The following POLR3B variants were observed in gnomAD, a reference collection of about 807,000 sequenced individuals.
The protein encoded by POLR3B is DNA-directed RNA polymerase III subunit RPC2.
Under a neutral mutation model 147.4 loss-of-function variants are expected in POLR3B, and 96 were observed. That is an observed-to-expected ratio of 0.65 (90% CI 0.55 to 0.77). The LOEUF (loss-of-function observed/expected upper bound fraction) is 0.77, where lower values mean the gene tolerates loss of function less well. Among genes scored for constraint, POLR3B ranks in the 30% least tolerant of loss-of-function variants. The pLI is 0.00. For missense variants in POLR3B, 1,036 were observed against 1,413.5 expected (o/e 0.73, Z 4.28); for synonymous variants, 461 against 485.9 (o/e 0.95, Z 0.67).
intron 11 of POLR3B, among the ~76,000 whole-genome samples, chr12:106,408,906 GA>G (rs1287099505): frequency 1.3e-5 from 2 of 152,184 alleles, no homozygotes; most frequent in African/African-American, 4.8e-5. Context: ...TTAAAAAGGG[GA>G]GTGAAATGAG....
chr12:106,402,667 T>C lies in POLR3B; in HGVS notation c.847-3190T>C, dbSNP rs1277948815. Among the ~76,000 whole-genome samples the C allele has an allele frequency of 1.2e-4, 18 of 152,188 alleles. No individual in the cohort carries two copies. In the East Asian group the frequency reaches 3.5e-3, roughly 29 times the overall value. ...AGAAATAATGCCACATATCTACAACTATCTGATCTTTGACAAACCTGACAA... is the reference window on the plus strand; with the variant it reads ...AGAAATAATGCCACATATCTACAACCATCTGATCTTTGACAAACCTGACAA... On this transcript the variant is annotated intron_variant, in intron 10 of 27. Coordinates refer to ENST00000228347, the MANE Select transcript of POLR3B (RefSeq NM_018082.6).
intron 12 of POLR3B, among the ~76,000 whole-genome samples, chr12:106,411,368 C>A (rs768260373): frequency 2.6e-5 from 4 of 152,130 alleles, no homozygotes; most frequent in Non-Finnish European, 5.9e-5. Flanking sequence ...CAACTCCCGA[C>A]CTCAGGTGAT....
chr12:106,363,834 A>G, intron 1 of POLR3B, 36 bp from the exon 2 acceptor site: 1 of 1,547,018 alleles, frequency 6.5e-7, no homozygotes, highest in African/African-American at 1.4e-5. Flanking sequence ...TGTTGCTGGT[A>G]CAGAGTTCTG....
chr12:106,439,811 A>G (rs1363438410), intron 18 of POLR3B, among the ~76,000 whole-genome samples: 3 of 152,042 alleles, frequency 2.0e-5, no homozygotes, highest in African/African-American at 7.2e-5. Context: ...AATCCCAGCA[A>G]TTTGGGAGGC....
Position 106,363,866 on chromosome 12 carries a change from A to T in POLR3B, c.73-4A>T. 6.2e-7 allele frequency: 1 copy of T among 1,606,690 alleles called. No homozygotes were observed. Among genetic ancestry groups the T allele is most frequent in the Non-Finnish European group, 8.5e-7 (1 of 1,173,652 alleles). ...TCTGATATTCTTCTTGTTTTGGCTC[A>T]CAGGAAAAATGGAGGCTGCTTCCAG... On this transcript the variant is annotated splice_polypyrimidine_tract_variant and splice_region_variant and intron_variant, in intron 1 of 27. Transcript: ENST00000228347.
chr12:106,382,021 C>T (rs2036770404), intron 9 of POLR3B: 1 of 152,302 alleles, frequency 6.6e-6, no homozygotes, highest in Non-Finnish European at 1.5e-5. Context: ...AGGTCACTCT[C>T]ATCACCATCT....
chr12:106,429,951 A>G (rs1040885388), intron 13 of POLR3B, among the ~76,000 whole-genome samples: 1 of 152,170 alleles, frequency 6.6e-6, no homozygotes, highest in Non-Finnish European at 1.5e-5. Flanking sequence ...ATGACTTCCC[A>G]TGGAAATCTC....
chr12:106,377,896 T>A lies in POLR3B; in HGVS notation c.497-371T>A, dbSNP rs1007523975. 2.0e-5 allele frequency among the ~76,000 whole-genome samples: 3 copies of A among 152,244 alleles called. No individual in the cohort carries two copies. In the South Asian group the frequency reaches 6.2e-4, roughly 32 times the overall value. On this transcript the variant is annotated intron_variant, in intron 7 of 27. Transcript: ENST00000228347. The stretch of plus-strand genomic sequence containing the variant: ...GATGGCTTAAGACAGGGAGTCAGCC[T>A]GAGAAGCATAGTGAGACCCTGTTGT...
At chr12:106,454,256 G>A (rs1465332276) in intron 19 of POLR3B, among the ~76,000 whole-genome samples, 1 of 152,114 alleles carries the variant, frequency 6.6e-6, no homozygotes, top group Non-Finnish European at 1.5e-5. Flanking sequence ...AATCCAAAAA[G>A]TCTAAATTAT....
At position 106,393,491 on chromosome 12, in the gene POLR3B, TTGTGTGTGTG is replaced by T. The variant is rs71072674; in HGVS notation, c.846+368_846+377del. 1.8e-3 allele frequency among the ~76,000 whole-genome samples: 257 copies of T among 141,176 alleles called. 1 individual carries two copies. Among genetic ancestry groups the T allele is most frequent in the East Asian group, 0.014 (63 of 4,660 alleles). The allele number at this position is 141,176 out of a possible 152,430, so 92.6% of individuals were successfully genotyped here. A position where few individuals can be genotyped will look rare whatever the true frequency, so the allele number is the denominator to read the frequency against. On this transcript the variant is annotated intron_variant, in intron 10 of 27. Coordinates refer to ENST00000228347, the MANE Select transcript of POLR3B (RefSeq NM_018082.6). Reference sequence around the variant, plus strand: ...CTATGGCAACTCTCGTGTACAGGTTTTGTGTGTGTGTGTGTGTGTGTGTGTGTGTGTGTGT... The same window carrying T: ...CTATGGCAACTCTCGTGTACAGGTTTTGTGTGTGTGTGTGTGTGTGTGTGT...
intron 20 of POLR3B, among the ~76,000 whole-genome samples, chr12:106,456,782 C>G (rs985257116): frequency 1.6e-4 from 24 of 152,150 alleles, no homozygotes; most frequent in Non-Finnish European, 1.8e-4. Context: ...CAGGTGATTT[C>G]TAAGGGCCTT....
chr12:106,407,660 T>A (rs919639947), intron 11 of POLR3B, among the ~76,000 whole-genome samples: 4 of 151,978 alleles, frequency 2.6e-5, no homozygotes, highest in African/African-American at 9.7e-5. Context: ...AGAAACCCCA[T>A]CTCTACTAAA....
intron 16 of POLR3B, among the ~76,000 whole-genome samples, chr12:106,435,112 T>G (rs1308616196): frequency 6.6e-6 from 1 of 150,694 alleles, no homozygotes; most frequent in East Asian, 2.1e-4. Context: ...TTTCTTTGAT[T>G]CTTATCCTTC....
intron 16 of POLR3B, 29 bp from the exon 17 acceptor site, chr12:106,437,028 A>G (rs1272060413): frequency 6.4e-7 from 1 of 1,571,294 alleles, no homozygotes; most frequent in Non-Finnish European, 8.8e-7. Context: ...TGGAACTATT[A>G]TTAATTTGGT....
intron 12 of POLR3B, among the ~76,000 whole-genome samples, chr12:106,420,303 A>G (rs2037358083): frequency 6.6e-6 from 1 of 152,062 alleles, no homozygotes; most frequent in Admixed American, 6.6e-5. Context: ...TATAGTTTGG[A>G]GTTTTCTTCC....
Position 106,454,725 on chromosome 12 carries a change from C to G in POLR3B, c.2293+14C>G. 1 of 1,453,746 alleles carries G rather than the reference C, an allele frequency of 6.9e-7. No individual in the cohort carries two copies. The highest frequency in any genetic ancestry group is 9.7e-7 in the Non-Finnish European group (1 of 1,033,958). 90.1% of individuals were successfully genotyped at this position (1,453,746 alleles called of 1,614,324 possible). A position where few individuals can be genotyped will look rare whatever the true frequency, so the allele number is the denominator to read the frequency against. On this transcript the variant is annotated intron_variant, in intron 20 of 27. Coordinates refer to ENST00000228347, the MANE Select transcript of POLR3B (RefSeq NM_018082.6). Reference sequence around the variant, plus strand: ...CTTTAGACAGAGGTAAGTGAATTTTCAAAACTAACACCAAAGTTGCTTTTT... The same window carrying G: ...CTTTAGACAGAGGTAAGTGAATTTTGAAAACTAACACCAAAGTTGCTTTTT...
At chr12:106,471,177 C>T (rs1057080971) in intron 23 of POLR3B, among the ~76,000 whole-genome samples, 2 of 152,184 alleles carry the variant, frequency 1.3e-5, no homozygotes, top group Non-Finnish European at 2.9e-5. Context: ...ATTGTGGATG[C>T]CCCTGCCTCT....
chr12:106,385,166 T>C (rs867435395), intron 9 of POLR3B, among the ~76,000 whole-genome samples: 1 of 152,190 alleles, frequency 6.6e-6, no homozygotes, highest in African/African-American at 2.4e-5. Flanking sequence ...ACGTTCTGTA[T>C]TGATTAGTTG....
chr12:106,497,141 T>A (rs527779775), intron 25 of POLR3B, among the ~76,000 whole-genome samples: 1 of 151,454 alleles, frequency 6.6e-6, no homozygotes, highest in South Asian at 2.1e-4. Flanking sequence ...AAAAAATTTT[T>A]TTTTTTTTAG....
Sources: gnomAD v4.1 joint callset for allele counts (sites outside exome capture counted in the v4.1 genomes callset) on GRCh38, gnomAD v4.1.1 for gene constraint, MANE v1.5 for transcripts, NCBI Gene and HGNC (gene_info 2026-07-23, HGNC 2026-07-21) for gene names.